SLC24A3: variants seen among roughly 807,000 people sequenced by gnomAD.
SLC24A3 encodes the protein sodium/potassium/calcium exchanger 3.
SLC24A3 carries 28 observed loss-of-function variants against 75.8 expected under a neutral mutation model. The observed-to-expected ratio is 0.37, with a 90% confidence interval of 0.27 to 0.51. SLC24A3 has a LOEUF of 0.51. Ranked by LOEUF, SLC24A3 falls within the 20% of genes least tolerant of loss-of-function variation. The pLI is 0.94. For synonymous variants in SLC24A3, 372 were observed against 334.1 expected, an observed-to-expected ratio of 1.11 and a Z score of -1.24; for missense variants, 663 against 847.8, an observed-to-expected ratio of 0.78 and a Z score of 2.71.
intron 12 of SLC24A3, 73 bp downstream of exon 12, chr20:19,685,434 TA>T: frequency 3.8e-6 from 6 of 1,558,972 alleles, no homozygotes; most frequent in Non-Finnish European, 5.2e-6. Context: ...TGACTTAGAT[TA>T]TCTTTTTACC....
chr20:19,508,712 G>T (rs1036452008), intron 2 of SLC24A3, among the ~76,000 whole-genome samples: 6 of 152,230 alleles, frequency 3.9e-5, no homozygotes, highest in Non-Finnish European at 7.3e-5. Flanking sequence ...CTGGCGGGAT[G>T]CACTGAAAGG....
rs1475850142 is a variant in SLC24A3, at chr20:19,585,174, C to T, written c.508+119C>T. 4.4e-6 allele frequency: 4 copies of T among 902,926 alleles called. No homozygotes were observed. The African/African-American group carries it at 6.7e-5, about 15-fold the overall frequency. The allele number at this position is 902,926 out of a possible 1,614,324, so 55.9% of individuals were successfully genotyped here. On this transcript the variant is annotated intron_variant, in intron 5 of 16. Coordinates refer to ENST00000328041, the MANE Select transcript of SLC24A3 (RefSeq NM_020689.4). ...CTCATAGAAAATGATAATCCAGGGA[C>T]CCCAATGAGTAGAACATCAGCCTCC...
At chr20:19,607,680 C>T (rs1436453529) in intron 6 of SLC24A3, among the ~76,000 whole-genome samples, 3 of 152,158 alleles carry the variant, frequency 2.0e-5, no homozygotes, top group Admixed American at 6.5e-5. Flanking sequence ...TCATCCTGCC[C>T]CTTGCTTTCC....
chr20:19,371,240 G>A (rs1300584988), intron 2 of SLC24A3, among the ~76,000 whole-genome samples: 1 of 152,180 alleles, frequency 6.6e-6, no homozygotes, highest in African/African-American at 2.4e-5. Flanking sequence ...CTGGGAGGTA[G>A]GGGAGGATGC....
At chr20:19,634,726 G>C (rs899299005) in intron 6 of SLC24A3, among the ~76,000 whole-genome samples, 5 of 152,066 alleles carry the variant, frequency 3.3e-5, no homozygotes, top group African/African-American at 1.2e-4. Context: ...TCCAATCTGT[G>C]GTTAGCTGGG....
intron 16 of SLC24A3, among the ~76,000 whole-genome samples, chr20:19,720,053 C>CTAAGG (rs2033086885): frequency 1.6e-5 from 1 of 62,868 alleles, no homozygotes; most frequent in African/African-American, 5.8e-5. Flanking sequence ...ATGAGTGACA[C>CTAAGG]TAAGATAAGA....
intron 1 of SLC24A3, among the ~76,000 whole-genome samples, chr20:19,223,715 T>A (rs1229075733): frequency 6.6e-6 from 1 of 152,222 alleles, no homozygotes; most frequent in Non-Finnish European, 1.5e-5. Context: ...GTGCTCACCC[T>A]TCTGGTGATG....
At chr20:19,614,874 G>A (rs983574529) in intron 6 of SLC24A3, among the ~76,000 whole-genome samples, 1 of 152,206 alleles carries the variant, frequency 6.6e-6, no homozygotes, top group Non-Finnish European at 1.5e-5. Context: ...CACTGGGTTA[G>A]CGTTTAACAA....
intron 8 of SLC24A3, among the ~76,000 whole-genome samples, chr20:19,668,081 G>A (rs1458278064): frequency 7.0e-6 from 1 of 142,438 alleles, no homozygotes; most frequent in Non-Finnish European, 1.5e-5. Flanking sequence ...GGGAAGAATT[G>A]GCCTGGGGGG....
intron 9 of SLC24A3, among the ~76,000 whole-genome samples, chr20:19,678,343 C>A (rs1473082990): frequency 7.7e-6 from 1 of 129,084 alleles, no homozygotes; most frequent in South Asian, 2.4e-4. Context: ...GGGGCTGACC[C>A]CCCCCACCTC....
chr20:19,514,954 C>A (rs943256703), intron 2 of SLC24A3, among the ~76,000 whole-genome samples: 1 of 152,150 alleles, frequency 6.6e-6, no homozygotes, highest in East Asian at 1.9e-4. Context: ...AAATGAAGAC[C>A]CACTTAGAGC....
intron 3 of SLC24A3, among the ~76,000 whole-genome samples, chr20:19,535,504 C>T (rs938719987): frequency 6.6e-6 from 1 of 152,312 alleles, no homozygotes. Flanking sequence ...GCAGGTCATA[C>T]TGAGGCCTAG....
At chr20:19,387,544 A>AT (rs1986292087) in intron 2 of SLC24A3, among the ~76,000 whole-genome samples, 1 of 152,136 alleles carries the variant, frequency 6.6e-6, no homozygotes, top group African/African-American at 2.4e-5. Flanking sequence ...GTCTCAAGAT[A>AT]TTTTTTAATT....
chr20:19,683,170 G>A (rs2032634395), intron 10 of SLC24A3, among the ~76,000 whole-genome samples: 1 of 152,130 alleles, frequency 6.6e-6, no homozygotes. Context: ...TTATACATAT[G>A]TTTAACAAAT....
At chr20:19,402,494 G>A (rs1249313705) in intron 2 of SLC24A3, among the ~76,000 whole-genome samples, 2 of 152,176 alleles carry the variant, frequency 1.3e-5, no homozygotes, top group Non-Finnish European at 2.9e-5. Context: ...TTGGAAATGA[G>A]GCCATGTCCT....
At chr20:19,265,084 A>T (rs571598583) in intron 1 of SLC24A3, among the ~76,000 whole-genome samples, 1 of 152,302 alleles carries the variant, frequency 6.6e-6, no homozygotes, top group Non-Finnish European at 1.5e-5. Context: ...TCAACGTTGC[A>T]AACACTATAT....
Position 19,375,626 on chromosome 20 carries a change from A to G in SLC24A3, c.271+94539A>G, listed in dbSNP as rs145361068. ...GAAGTGCCATATCAAACTCCATGAC[A>G]GATGTTGTAAATCTTGGGAAGTGTG... On this transcript the variant is annotated intron_variant, in intron 2 of 16. Transcript: ENST00000328041. 6.1e-3 allele frequency among the ~76,000 whole-genome samples: 922 copies of G among 152,302 alleles called. 9 individuals are homozygous for G. The highest frequency in any genetic ancestry group is 0.021 in the African/African-American group (868 of 41,566).
At chr20:19,561,571 A>G (rs561647401) in intron 3 of SLC24A3, among the ~76,000 whole-genome samples, 28 of 152,322 alleles carry the variant, frequency 1.8e-4, no homozygotes, top group African/African-American at 6.7e-4. Flanking sequence ...GATTTTGTAA[A>G]GAAGAACATA....
chr20:19,364,329 G>T (rs1490833598), intron 2 of SLC24A3, among the ~76,000 whole-genome samples: 1 of 152,108 alleles, frequency 6.6e-6, no homozygotes, highest in Admixed American at 6.5e-5. Context: ...GGAATGAGGG[G>T]TACAAAGATG....
Sources: gnomAD v4.1 joint callset for allele counts (sites outside exome capture counted in the v4.1 genomes callset) on GRCh38, gnomAD v4.1.1 for gene constraint, MANE v1.5 for transcripts, NCBI Gene and HGNC (gene_info 2026-07-23, HGNC 2026-07-21) for gene names.